Variants in DUSP10 observed in about 807,000 individuals in gnomAD.
DUSP10 encodes dual specificity phosphatase 10, also known as dual specificity protein phosphatase 10.
In DUSP10, 14 loss-of-function variants were observed where a neutral mutation model predicts 30.8. The observed-to-expected ratio is 0.46, with a 90% CI of 0.30 to 0.71. DUSP10 has a LOEUF of 0.71. DUSP10 is among the 30% of genes least tolerant of loss of function. The probability of loss-of-function intolerance (pLI) is 0.08; values close to 1 mark genes in which losing one functional copy is unlikely to be tolerated. For missense variants in DUSP10, 550 were observed against 619.4 expected (o/e 0.89, Z 1.19); for synonymous variants, 254 against 250.4 (o/e 1.01, Z -0.14).
intron 2 of DUSP10, chr1:221,737,550 G>C (rs1229474495): frequency 2.6e-6 from 2 of 765,620 alleles, no homozygotes; most frequent in East Asian, 1.3e-4. Flanking sequence ...ACCACGACCA[G>C]GAAATGTCTA....
chr1:221,723,036 C>T (rs546942519), intron 2 of DUSP10, among the ~76,000 whole-genome samples: 1 of 152,314 alleles, frequency 6.6e-6, no homozygotes, highest in South Asian at 2.1e-4. Context: ...CCCATAGTAT[C>T]ACCCTGTGTC....
intron 2 of DUSP10, among the ~76,000 whole-genome samples, chr1:221,715,435 G>A (rs1171110296): frequency 6.6e-6 from 1 of 152,164 alleles, no homozygotes; most frequent in Admixed American, 6.5e-5. Context: ...GAGTAGCTCA[G>A]TCCACACAGA....
intron 3 of DUSP10, among the ~76,000 whole-genome samples, chr1:221,703,168 C>T (rs12405549): frequency 0.3 from 46,033 of 151,128 alleles, 7,386 homozygotes; most frequent in East Asian, 0.48. Flanking sequence ...AAAATATACA[C>T]TCACACATAT....
At chr1:221,732,036 T>C (rs1661624087) in intron 2 of DUSP10, among the ~76,000 whole-genome samples, 1 of 152,186 alleles carries the variant, frequency 6.6e-6, no homozygotes. Flanking sequence ...AATAGAAACA[T>C]GAACACAATT....
At chr1:221,703,519 G>C (rs904355746) in intron 3 of DUSP10, among the ~76,000 whole-genome samples, 1 of 152,160 alleles carries the variant, frequency 6.6e-6, no homozygotes, top group Non-Finnish European at 1.5e-5. Context: ...TAGTATACAG[G>C]CCGAGGGTGT....
chr1:221,728,562 ATGG>A (rs1446777845), intron 2 of DUSP10, among the ~76,000 whole-genome samples: 2 of 152,224 alleles, frequency 1.3e-5, no homozygotes, highest in Admixed American at 1.3e-4. Flanking sequence ...TAAACAGTAA[ATGG>A]TTTGATAGGA....
intron 2 of DUSP10, among the ~76,000 whole-genome samples, chr1:221,738,585 T>C (rs1661847542): frequency 6.6e-6 from 1 of 152,158 alleles, no homozygotes; most frequent in Non-Finnish European, 1.5e-5. Context: ...CAACTAGTGA[T>C]TGATTGGAAT....
At chr1:221,737,115 T>A (rs1661798693) in intron 2 of DUSP10, 5 of 985,410 alleles carry the variant, frequency 5.1e-6, no homozygotes, top group Non-Finnish European at 6.0e-6. Flanking sequence ...GTCACCCCTA[T>A]CCACAACTCC....
intron 2 of DUSP10, among the ~76,000 whole-genome samples, chr1:221,724,070 G>A (rs1164616974): frequency 6.6e-6 from 1 of 152,214 alleles, no homozygotes; most frequent in Non-Finnish European, 1.5e-5. Flanking sequence ...CACTCGGGGA[G>A]TTCCAAGGGT....
chr1:221,737,145 G>C (rs1661800042), intron 2 of DUSP10: 1 of 985,434 alleles, frequency 1.0e-6, no homozygotes, highest in African/African-American at 1.7e-5. Context: ...AAAATAGAGA[G>C]TAGGGTCTGC....
intron 2 of DUSP10, among the ~76,000 whole-genome samples, chr1:221,707,594 T>A (rs947810325): frequency 4.6e-5 from 7 of 152,180 alleles, no homozygotes; most frequent in African/African-American, 7.2e-5. Context: ...TGGGAATGGA[T>A]CTTAGGGAAA....
intron 2 of DUSP10, among the ~76,000 whole-genome samples, chr1:221,737,975 G>A (rs533409652): frequency 6.6e-6 from 1 of 152,320 alleles, no homozygotes; most frequent in African/African-American, 2.4e-5. Context: ...GAAGAGAGAA[G>A]ACGACTATCT....
chr1:221,716,345 C>G (rs981681704), intron 2 of DUSP10, among the ~76,000 whole-genome samples: 4 of 152,124 alleles, frequency 2.6e-5, no homozygotes, highest in African/African-American at 9.7e-5. Flanking sequence ...CAGTAAGAAC[C>G]ACCTGAAGAC....
At chr1:221,741,010 G>A (rs1321541897) in intron 1 of DUSP10, among the ~76,000 whole-genome samples, 1 of 152,006 alleles carries the variant, frequency 6.6e-6, no homozygotes, top group African/African-American at 2.4e-5. Context: ...TCTATCATCC[G>A]TCTACACACG....
chr1:221,715,990 C>T (rs1436785720), intron 2 of DUSP10, among the ~76,000 whole-genome samples: 1 of 149,268 alleles, frequency 6.7e-6, no homozygotes, highest in Admixed American at 6.7e-5. Flanking sequence ...CCTGATCCCT[C>T]CTCCCTCCCC....
rs567738847 is a variant in DUSP10, at chr1:221,719,005, C to G, written c.812-12539G>C. Among the ~76,000 whole-genome samples the G allele has an allele frequency of 7.2e-5, 11 of 152,262 alleles. No homozygotes were observed. In the South Asian group the frequency reaches 2.1e-3, roughly 29 times the overall value. On this transcript the variant is annotated intron_variant, in intron 2 of 3. Coordinates refer to ENST00000366899, the MANE Select transcript of DUSP10 (RefSeq NM_007207.6). ...ACACAGGTGAAGCCTGGATAGGGTT[C>G]CATTGCTAAAATCATGTATGGAAGT...
At chr1:221,731,041 A>G (rs1048986739) in intron 2 of DUSP10, among the ~76,000 whole-genome samples, 2 of 152,198 alleles carry the variant, frequency 1.3e-5, no homozygotes, top group Non-Finnish European at 2.9e-5. Context: ...GCTACAGGTC[A>G]TACTCATTTT....
intron 3 of DUSP10, among the ~76,000 whole-genome samples, chr1:221,704,318 A>C (rs1335729920): frequency 9.8e-6 from 1 of 101,962 alleles, no homozygotes; most frequent in Non-Finnish European, 1.8e-5. Context: ...GTTTTCCTTA[A>C]AAAAAAAAAA....
intron 2 of DUSP10, among the ~76,000 whole-genome samples, chr1:221,718,296 T>G (rs1276813006): frequency 6.6e-6 from 1 of 152,208 alleles, no homozygotes; most frequent in East Asian, 1.9e-4. Context: ...AGATCAGCAC[T>G]GGCACATGAC....
Sources: allele counts gnomAD v4.1 joint callset (sites outside exome capture counted in the v4.1 genomes callset), GRCh38; gene constraint gnomAD v4.1.1; transcripts MANE v1.5; gene names NCBI Gene and HGNC (gene_info 2026-07-23, HGNC 2026-07-21).